ZFAT: variants seen among roughly 807,000 people sequenced by gnomAD.
ZFAT encodes the protein zinc finger and AT-hook domain containing.
Under a neutral mutation model 117.7 loss-of-function variants are expected in ZFAT, and 64 were observed. The ratio of observed to expected loss-of-function variants is 0.54; its 90% CI spans 0.44 to 0.67. ZFAT has a LOEUF of 0.67. Among genes scored for constraint, ZFAT ranks in the 30% least tolerant of loss-of-function variants. The probability of loss-of-function intolerance (pLI) is 0.00; values close to 1 mark genes in which losing one functional copy is unlikely to be tolerated. For synonymous variants in ZFAT, 679 were observed against 615.0 expected (o/e 1.10, Z -1.54); for missense variants, 1,433 against 1,584.5 (o/e 0.90, Z 1.62).
upstream of ZFAT, among the ~76,000 whole-genome samples, chr8:134,714,121 A>C (rs566458276): frequency 6.1e-3 from 593 of 97,204 alleles, 2 homozygotes; most frequent in Middle Eastern, 0.026. Context: ...CCCCCCCCCC[A>C]AAAAAAAAAA....
the ZFAT span, among the ~76,000 whole-genome samples, chr8:134,781,172 C>T: frequency 1.4e-4 from 21 of 152,242 alleles, no homozygotes; most frequent in East Asian, 1.5e-3. Context: ...GTTGCCCAGG[C>T]TAGAGTGCAG....
intron 1 of ZFAT, among the ~76,000 whole-genome samples, chr8:134,671,129 A>C (rs1182840797): frequency 6.6e-6 from 1 of 152,204 alleles, no homozygotes; most frequent in African/African-American, 2.4e-5. Flanking sequence ...CCAACCAAAA[A>C]AAGTCCAGGA....
chr8:134,723,626 G>A, the ZFAT span: 1 of 152,344 alleles, frequency 6.6e-6, no homozygotes, highest in Non-Finnish European at 1.5e-5. Context: ...TCCTGCCAGA[G>A]TCTCCCCTTG....
At chr8:134,773,304 G>T in the ZFAT span, among the ~76,000 whole-genome samples, 98 of 152,176 alleles carry the variant, frequency 6.4e-4, no homozygotes, top group East Asian at 3.5e-3. Flanking sequence ...TTACAGCCTG[G>T]TTTATTAAAT....
the ZFAT span, among the ~76,000 whole-genome samples, chr8:134,749,054 T>C: frequency 6.6e-6 from 1 of 152,202 alleles, no homozygotes; most frequent in Admixed American, 6.5e-5. Context: ...GGTTAAAAAA[T>C]TATATATGTT....
chr8:134,722,347 G>A, the ZFAT span, among the ~76,000 whole-genome samples: 16 of 152,302 alleles, frequency 1.1e-4, no homozygotes, highest in East Asian at 1.5e-3. Flanking sequence ...TAAGAAAACC[G>A]GGTTTGCCCT....
chr8:134,608,288 C>A (rs1828043081), intron 5 of ZFAT, among the ~76,000 whole-genome samples: 1 of 152,166 alleles, frequency 6.6e-6, no homozygotes, highest in Non-Finnish European at 1.5e-5. Flanking sequence ...CTCTAGGTTA[C>A]TTTAATGCCA....
intron 3 of ZFAT, among the ~76,000 whole-genome samples, chr8:134,632,111 T>C (rs1311994397): frequency 1.3e-5 from 2 of 152,104 alleles, no homozygotes; most frequent in Non-Finnish European, 2.9e-5. Flanking sequence ...TATACTGAAA[T>C]TTCTTCCATC....
chr8:134,762,377 A>G, the ZFAT span, among the ~76,000 whole-genome samples: 1 of 152,038 alleles, frequency 6.6e-6, no homozygotes, highest in African/African-American at 2.4e-5. Context: ...TTCTTTCCCA[A>G]CCTCCAGCTG....
chr8:134,756,726 C>T, the ZFAT span, among the ~76,000 whole-genome samples: 1 of 152,218 alleles, frequency 6.6e-6, no homozygotes, highest in Non-Finnish European at 1.5e-5. Context: ...GACCTTCTTG[C>T]TTCAATTTAG....
the ZFAT span, among the ~76,000 whole-genome samples, chr8:134,753,556 G>C: frequency 6.6e-6 from 1 of 152,116 alleles, no homozygotes; most frequent in African/African-American, 2.4e-5. Flanking sequence ...TGTGTCCAAA[G>C]ATATTTATTA....
chr8:134,618,105 G>GGAACTATAAGTCCAATT (rs1828871431), intron 3 of ZFAT, among the ~76,000 whole-genome samples: 3 of 152,098 alleles, frequency 2.0e-5, no homozygotes, highest in Admixed American at 2.0e-4. Flanking sequence ...CCAGCCAAGT[G>GGAACTATAAGTCCAATT]GAACTATAAG....
intron 3 of ZFAT, 100 bp from the exon 4 acceptor site, chr8:134,610,755 G>A (rs1828273494): frequency 1.4e-6 from 2 of 1,421,852 alleles, no homozygotes; most frequent in Admixed American, 4.1e-5. Flanking sequence ...AGGAAACACA[G>A]CTCTTTGGTC....
At chr8:134,496,799 T>C (rs1218075841) in intron 15 of ZFAT, among the ~76,000 whole-genome samples, 1 of 152,044 alleles carries the variant, frequency 6.6e-6, no homozygotes, top group African/African-American at 2.4e-5. Flanking sequence ...GGGAGGGTAC[T>C]CCTCCCCGTG....
At chr8:134,661,435 T>C (rs1404944436) in intron 1 of ZFAT, among the ~76,000 whole-genome samples, 1 of 152,218 alleles carries the variant, frequency 6.6e-6, no homozygotes, top group Non-Finnish European at 1.5e-5. Context: ...CCCACGTGCC[T>C]GAGCTGTGCC....
At chr8:134,748,217 A>G in the ZFAT span, among the ~76,000 whole-genome samples, 57,881 of 151,946 alleles carry the variant, frequency 0.38, 11,292 homozygotes, top group African/African-American at 0.45. Context: ...TCCTTGCTTT[A>G]ATAACAACCC....
intron 1 of ZFAT, among the ~76,000 whole-genome samples, chr8:134,712,332 G>A (rs1814031919): frequency 6.6e-6 from 1 of 152,204 alleles, no homozygotes; most frequent in East Asian, 1.9e-4. Flanking sequence ...GTAATTACAG[G>A]TGAAGGACCC....
chr8:134,730,467 G>A, the ZFAT span, among the ~76,000 whole-genome samples: 736 of 152,302 alleles, frequency 4.8e-3, 7 homozygotes, highest in African/African-American at 0.017. Flanking sequence ...ACCTTTATCA[G>A]TCCCATCATC....
chr8:134,520,104 T>C (rs1273520617), intron 13 of ZFAT, among the ~76,000 whole-genome samples: 1 of 152,100 alleles, frequency 6.6e-6, no homozygotes, highest in Non-Finnish European at 1.5e-5. Flanking sequence ...TTAGATAAAG[T>C]GAGGGTGATT....
Sources: gnomAD v4.1 joint callset for allele counts (sites outside exome capture counted in the v4.1 genomes callset) on GRCh38, gnomAD v4.1.1 for gene constraint, MANE v1.5 for transcripts, NCBI Gene and HGNC (gene_info 2026-07-23, HGNC 2026-07-21) for gene names.